The following BTRC variants were observed in gnomAD, a reference collection of about 807,000 sequenced individuals.
BTRC encodes F-box/WD repeat-containing protein 1A.
BTRC carries 42 observed loss-of-function variants against 85.5 expected under a neutral mutation model. The observed-to-expected ratio is 0.49, with a 90% CI of 0.38 to 0.64. The LOEUF is 0.64. Among genes scored for constraint, BTRC ranks in the 30% least tolerant of loss-of-function variants. The pLI is 0.00. For synonymous variants in BTRC, 255 were observed against 263.3 expected (o/e 0.97, Z 0.30); for missense variants, 594 against 743.5 (o/e 0.80, Z 2.34).
intron 1 of BTRC, among the ~76,000 whole-genome samples, chr10:101,359,751 C>T (rs942519432): frequency 6.6e-6 from 1 of 152,112 alleles, no homozygotes; most frequent in Non-Finnish European, 1.5e-5. Context: ...CAGGCATGCA[C>T]CACCACACCC....
intron 1 of BTRC, among the ~76,000 whole-genome samples, chr10:101,367,003 TA>T (rs1942465338): frequency 2.7e-5 from 2 of 73,468 alleles, no homozygotes; most frequent in African/African-American, 9.6e-5. Context: ...TTAATATATA[TA>T]TTTATATATA....
At chr10:101,362,108 G>C (rs533113568) in intron 1 of BTRC, among the ~76,000 whole-genome samples, 4 of 151,814 alleles carry the variant, frequency 2.6e-5, no homozygotes, top group Non-Finnish European at 4.4e-5. Flanking sequence ...TTACAGGCAC[G>C]TACCACCACA....
At chr10:101,385,618 C>A (rs3051299) in intron 1 of BTRC, among the ~76,000 whole-genome samples, 1 of 79,810 alleles carries the variant, frequency 1.3e-5, no homozygotes. Flanking sequence ...TCTTCTTCTT[C>A]TTTTTTTTTT....
chr10:101,509,785 C>T (rs1946652250), intron 4 of BTRC, among the ~76,000 whole-genome samples: 1 of 145,562 alleles, frequency 6.9e-6, no homozygotes, highest in Admixed American at 7.0e-5. Context: ...TGGTCTCAGA[C>T]TCCTGGGTTC....
chr10:101,430,124 C>T (rs901320939), intron 1 of BTRC, among the ~76,000 whole-genome samples: 6 of 152,102 alleles, frequency 3.9e-5, no homozygotes, highest in East Asian at 3.9e-4. Flanking sequence ...GTTTTTTGAA[C>T]GATAACTTCT....
At chr10:101,416,062 T>C (rs1943938253) in intron 1 of BTRC, among the ~76,000 whole-genome samples, 1 of 152,196 alleles carries the variant, frequency 6.6e-6, no homozygotes, top group Non-Finnish European at 1.5e-5. Context: ...CACCTAGTGA[T>C]GCATTTCTCA....
At chr10:101,467,290 A>G (rs7922509) in intron 3 of BTRC, among the ~76,000 whole-genome samples, 5,791 of 149,748 alleles carry the variant, frequency 0.039, 398 homozygotes, top group African/African-American at 0.14. Context: ...TTGATGAGGG[A>G]AAAAGGTTTA....
At chr10:101,436,219 G>A (rs1334280495) in intron 2 of BTRC, among the ~76,000 whole-genome samples, 1 of 152,092 alleles carries the variant, frequency 6.6e-6, no homozygotes, top group Non-Finnish European at 1.5e-5. Context: ...AGCAAATGGT[G>A]ATCCTATAAT....
intron 7 of BTRC, 62 bp from the exon 8 acceptor site, chr10:101,532,233 C>G: frequency 1.1e-5 from 17 of 1,530,710 alleles, no homozygotes; most frequent in Non-Finnish European, 1.5e-5. Context: ...TCATTAAAGC[C>G]TAAAAAGAGT....
chr10:101,367,111 C>G (rs1343693982), intron 1 of BTRC, among the ~76,000 whole-genome samples: 4 of 130,062 alleles, frequency 3.1e-5, no homozygotes, highest in Non-Finnish European at 6.3e-5. Context: ...CGCTCTGTCG[C>G]CCAGGCTGGA....
intron 4 of BTRC, among the ~76,000 whole-genome samples, chr10:101,516,408 A>T (rs568386156): frequency 2.0e-4 from 30 of 152,238 alleles, no homozygotes; most frequent in African/African-American, 7.0e-4. Flanking sequence ...AGGTCTTTTT[A>T]CTCCAGGGCC....
rs928296110 is a variant in BTRC, at chr10:101,392,586, G to A, written c.49-37759G>A. On this transcript the variant is annotated intron_variant, in intron 1 of 14. Transcript: ENST00000370187. The stretch of plus-strand genomic sequence containing the variant: ...ATGGTCTTGGCTCACTGCAACCTCC[G>A]CCTCCCAGGTTCAAGCGATTCTCTT... Among the ~76,000 whole-genome samples, 8 of 152,102 alleles carry A rather than the reference G, an allele frequency of 5.3e-5. No homozygotes were observed. In the East Asian group the frequency reaches 7.7e-4, roughly 15 times the overall value.
At position 101,385,615 on chromosome 10, in the gene BTRC, C is replaced by CTTTTTT. The variant is rs146804594; in HGVS notation, c.48+31389_48+31390insTTTTTT. 8.8e-3 allele frequency among the ~76,000 whole-genome samples: 429 copies of CTTTTTT among 48,722 alleles called. 5 individuals carry two copies. Among genetic ancestry groups the CTTTTTT allele is most frequent in the Non-Finnish European group, 9.5e-3 (188 of 19,852 alleles). 32.0% of individuals were successfully genotyped at this position (48,722 alleles called of 152,430 possible). On this transcript the variant is annotated intron_variant, in intron 1 of 14. Coordinates refer to ENST00000370187, the MANE Select transcript of BTRC (RefSeq NM_033637.4). ...TTTTCTTTGTTCTTTCTTTCTTCTT[C>CTTTTTT]TTCTTTTTTTTTTTTTTTGTGTGTT...
At chr10:101,512,559 A>G (rs1342151208) in intron 4 of BTRC, among the ~76,000 whole-genome samples, 1 of 152,214 alleles carries the variant, frequency 6.6e-6, no homozygotes, top group East Asian at 1.9e-4. Flanking sequence ...TTCCCAACCT[A>G]TACATAATAC....
intron 5 of BTRC, among the ~76,000 whole-genome samples, chr10:101,522,380 A>AC (rs1475327531): frequency 1.5e-5 from 2 of 135,212 alleles, no homozygotes; most frequent in Non-Finnish European, 3.2e-5. Flanking sequence ...AAAAAAACAA[A>AC]AAAAAAAAAA....
At chr10:101,434,668 C>G (rs904191888) in intron 2 of BTRC, among the ~76,000 whole-genome samples, 3 of 151,980 alleles carry the variant, frequency 2.0e-5, no homozygotes, top group African/African-American at 7.2e-5. Context: ...GCAGTGCATG[C>G]CTGTAGTCCC....
At chr10:101,444,457 C>G (rs1222487667) in intron 2 of BTRC, among the ~76,000 whole-genome samples, 1 of 152,172 alleles carries the variant, frequency 6.6e-6, no homozygotes, top group East Asian at 1.9e-4. Flanking sequence ...GGGACCAGCT[C>G]TTGATATAAA....
Position 101,359,847 on chromosome 10 carries a change from G to A in BTRC, c.48+5619G>A, listed in dbSNP as rs189116460. Among the ~76,000 whole-genome samples, 383 of 152,010 alleles carry A rather than the reference G, an allele frequency of 2.5e-3. 3 individuals carry two copies. Among genetic ancestry groups the A allele is most frequent in the African/African-American group, 8.5e-3 (354 of 41,462 alleles). ...ACTCCCAACCTCAGGTGATCTGCCC[G>A]CCTTGGCCTCCCAAAGTGCTGAGAT... On this transcript the variant is annotated intron_variant, in intron 1 of 14. Coordinates refer to ENST00000370187, the MANE Select transcript of BTRC (RefSeq NM_033637.4).
intron 4 of BTRC, among the ~76,000 whole-genome samples, chr10:101,487,246 A>T (rs1166707670): frequency 6.6e-6 from 1 of 152,196 alleles, no homozygotes; most frequent in Non-Finnish European, 1.5e-5. Flanking sequence ...CATGCTACTC[A>T]ATGTTTATTA....
Sources: allele counts gnomAD v4.1 joint callset (sites outside exome capture counted in the v4.1 genomes callset), GRCh38; gene constraint gnomAD v4.1.1; transcripts MANE v1.5; gene names NCBI Gene and HGNC (gene_info 2026-07-23, HGNC 2026-07-21).